Variants in RIPOR2 observed in about 807,000 individuals in gnomAD.
RIPOR2 encodes the protein RHO family interacting cell polarization regulator 2.
RIPOR2 carries 39 observed loss-of-function variants against 114.5 expected under a neutral mutation model. The ratio of observed to expected loss-of-function variants is 0.34; its 90% CI spans 0.26 to 0.44. RIPOR2 has a LOEUF of 0.44. Ranked by LOEUF, RIPOR2 falls within the 20% of genes least tolerant of loss-of-function variation. The probability of loss-of-function intolerance (pLI) is 1.00; values close to 1 mark genes in which losing one functional copy is unlikely to be tolerated. For missense variants in RIPOR2, 1,007 were observed against 1,255.1 expected, an observed-to-expected ratio of 0.80 and a Z score of 2.99; for synonymous variants, 445 against 484.4, an observed-to-expected ratio of 0.92 and a Z score of 1.07.
At chr6:25,031,699 T>TTTATA (rs1776950839) in intron 1 of RIPOR2, among the ~76,000 whole-genome samples, 1 of 35,464 alleles carries the variant, frequency 2.8e-5, no homozygotes, top group African/African-American at 8.4e-5. Context: ...TAGGTGGTAG[T>TTTATA]TATATATATA....
chr6:24,863,810 A>C (rs1581639163), intron 7 of RIPOR2, among the ~76,000 whole-genome samples: 1 of 152,108 alleles, frequency 6.6e-6, no homozygotes, highest in East Asian at 1.9e-4. Context: ...ACTTTTCATT[A>C]CTTTGATGTT....
intron 13 of RIPOR2, among the ~76,000 whole-genome samples, chr6:24,841,137 T>C (rs1178131927): frequency 6.6e-6 from 1 of 152,202 alleles, no homozygotes; most frequent in Non-Finnish European, 1.5e-5. Flanking sequence ...GTGTTTCCTG[T>C]GGATTGAGCT....
chr6:24,872,844 A>C, intron 4 of RIPOR2, 37 bp downstream of exon 4: 1 of 1,382,078 alleles, frequency 7.2e-7, no homozygotes, highest in Non-Finnish European at 1.0e-6. Flanking sequence ...GGCTAAAAAG[A>C]ACAGTGTTAA....
intron 8 of RIPOR2, among the ~76,000 whole-genome samples, chr6:24,857,958 CG>C (rs2113815999): frequency 6.6e-6 from 1 of 152,298 alleles, no homozygotes; most frequent in South Asian, 2.1e-4. Flanking sequence ...TCAGCCACAC[CG>C]GTCTACTTGT....
intron 1 of RIPOR2, among the ~76,000 whole-genome samples, chr6:25,034,757 C>T (rs1172625283): frequency 6.6e-6 from 1 of 152,210 alleles, no homozygotes; most frequent in East Asian, 1.9e-4. Flanking sequence ...TTTCCCTCCA[C>T]ACCCTCTCTT....
intron 1 of RIPOR2, among the ~76,000 whole-genome samples, chr6:24,888,070 G>A (rs1403990396): frequency 6.6e-6 from 1 of 152,102 alleles, no homozygotes; most frequent in East Asian, 1.9e-4. Context: ...CTTAAATGAA[G>A]CCTGAGCCTG....
At position 24,872,927 on chromosome 6, in the gene RIPOR2, T is replaced by G; in HGVS notation, c.377A>C (p.Asp126Ala). 1 of 1,612,494 alleles carries G rather than the reference T, an allele frequency of 6.2e-7. No individual in the cohort carries two copies. The highest frequency in any genetic ancestry group is 8.5e-7 in the Non-Finnish European group (1 of 1,178,736). ...EYLEVHQTEL[D>A]KLTAQLKDMK... is the part of the protein sequence containing the mutation. Reference sequence around the variant, plus strand: ...ATCTTTTAACTGAGCTGTCAACTTGTCCAGCTCCGTCTGGTGAACCTCCAG... The same window carrying G: ...ATCTTTTAACTGAGCTGTCAACTTGGCCAGCTCCGTCTGGTGAACCTCCAG... The change falls in exon 4 of 22, where the codon GAC becomes GCC. Residue 126 changes from aspartate (D) to alanine (A), a missense_variant. Coordinates refer to ENST00000643898, the MANE Select transcript of RIPOR2 (RefSeq NM_001286445.3).
intron 1 of RIPOR2, among the ~76,000 whole-genome samples, chr6:24,945,637 TA>T (rs777662630): frequency 7.9e-5 from 12 of 152,130 alleles, no homozygotes; most frequent in Non-Finnish European, 1.8e-4. Flanking sequence ...TGATAGAGGA[TA>T]AAAGTTTTTA....
Position 24,843,223 on chromosome 6 carries a change from C to G in RIPOR2, c.1496G>C (p.Arg499Pro). Residue 499 changes from arginine to proline, a missense_variant, in exon 13 of 22, where the codon CGC (arginine) becomes CCC (proline). Arg to Pro is a moderately radical substitution (Grantham distance 103). Coordinates refer to ENST00000643898, the MANE Select transcript of RIPOR2 (RefSeq NM_001286445.3). ...AGCCCCAGCACCTGAGGACTGTCGG[C>G]GGCAAGCCTCAGATGGGGCCGAGGC... ...KPASAPSEAC[R>P]RQSSGAGAEH... The G allele has an allele frequency of 1.9e-6, 3 of 1,614,024 alleles. No homozygotes were observed. Among genetic ancestry groups the G allele is most frequent in the Non-Finnish European group, 2.5e-6 (3 of 1,179,894 alleles).
rs116611996 is a variant in RIPOR2, at chr6:24,983,098, A to T, written c.76+58753T>A. On this transcript the variant is annotated intron_variant, in intron 1 of 13. Transcript: ENST00000510784. ...GGATCTACTCAGGGGACTAGAATCT[A>T]TGCTCCTGGGTTGTTGCAGTCCGCA... Among the ~76,000 whole-genome samples the T allele has an allele frequency of 9.8e-3, 1,483 of 152,090 alleles. 13 individuals are homozygous for T. The highest frequency in any genetic ancestry group is 0.024 in the South Asian group (117 of 4,816).
At chr6:24,971,927 A>G (rs1300981149) in intron 1 of RIPOR2, among the ~76,000 whole-genome samples, 3 of 152,202 alleles carry the variant, frequency 2.0e-5, no homozygotes, top group South Asian at 2.1e-4. Context: ...TACCTACTTC[A>G]TAGAGTATTT....
chr6:25,001,624 CAAA>C (rs747422738), intron 1 of RIPOR2, among the ~76,000 whole-genome samples: 3 of 56,338 alleles, frequency 5.3e-5, no homozygotes, highest in African/African-American at 1.3e-4. Flanking sequence ...GACTTCATCT[CAAA>C]AAAAAAAAAA....
intron 1 of RIPOR2, among the ~76,000 whole-genome samples, chr6:24,935,605 C>A (rs749848636): frequency 6.6e-6 from 1 of 152,192 alleles, no homozygotes; most frequent in Non-Finnish European, 1.5e-5. Flanking sequence ...TTATTTTAGT[C>A]ATGACTTTAA....
intron 19 of RIPOR2, among the ~76,000 whole-genome samples, chr6:24,820,045 T>A (rs1164496180): frequency 6.6e-6 from 1 of 152,134 alleles, no homozygotes; most frequent in African/African-American, 2.4e-5. Context: ...ATTTATTTAT[T>A]TTTGGAGATG....
chr6:24,909,884 C>G (rs571588803), intron 1 of RIPOR2, among the ~76,000 whole-genome samples: 1 of 152,330 alleles, frequency 6.6e-6, no homozygotes, highest in South Asian at 2.1e-4. Context: ...CCCATCCCAG[C>G]AGAATCAGCC....
chr6:25,003,001 G>T (rs999390957), intron 1 of RIPOR2, among the ~76,000 whole-genome samples: 3 of 152,220 alleles, frequency 2.0e-5, no homozygotes, highest in Non-Finnish European at 4.4e-5. Flanking sequence ...TATTTCTGCA[G>T]TTAAAACATG....
rs1322257860 is a variant in RIPOR2, at chr6:24,858,750, C to G, written c.715+2223G>C. Among the ~76,000 whole-genome samples, 1 of 152,148 alleles carries G rather than the reference C, an allele frequency of 6.6e-6. No individual in the cohort carries two copies. The highest frequency in any genetic ancestry group is 2.4e-5 in the African/African-American group (1 of 41,436). ...ACATCAGGCAGGAGAGCAAGAACAACAGAGAGAGGAGGAGATGGAGGAGCA... is the reference window on the plus strand; with the variant it reads ...ACATCAGGCAGGAGAGCAAGAACAAGAGAGAGAGGAGGAGATGGAGGAGCA... On this transcript the variant is annotated intron_variant, in intron 8 of 21. Transcript: ENST00000643898. This position sits in a 1 kb window ranked among gnomAD's most constrained non-coding sequence, Gnocchi z 4.0.
At chr6:24,937,741 G>GC (rs1771895725), upstream of RIPOR2, among the ~76,000 whole-genome samples, 1 of 152,108 alleles carries the variant, frequency 6.6e-6, no homozygotes, top group Admixed American at 6.6e-5. Flanking sequence ...TACAGATGAA[G>GC]CAATGGGGGC....
At position 24,932,314 on chromosome 6, in the gene RIPOR2, CTGTGTGTGTG is replaced by C. The variant is rs58590259; in HGVS notation, c.61+3514_61+3523del. 2.7e-5 allele frequency among the ~76,000 whole-genome samples: 4 copies of C among 149,092 alleles called. No individual in the cohort carries two copies. The East Asian group carries it at 7.8e-4, about 29-fold the overall frequency. The stretch of plus-strand genomic sequence containing the variant: ...TGTTGTTAGGAAAGCAAACTTAAGA[CTGTGTGTGTG>C]TGTGTGTGTGTGTGTGTGTATGAGA... On this transcript the variant is annotated intron_variant, in intron 1 of 21. Coordinates refer to ENST00000643898, the MANE Select transcript of RIPOR2 (RefSeq NM_001286445.3).
Sources: gnomAD v4.1 joint callset for allele counts (sites outside exome capture counted in the v4.1 genomes callset) on GRCh38, gnomAD v4.1.1 for gene constraint, Gnocchi (gnomAD v3.1) non-coding constraint, MANE v1.5 for transcripts, NCBI Gene and HGNC (gene_info 2026-07-23, HGNC 2026-07-21) for gene names.